The following PGPEP1L variants were observed in gnomAD, a reference collection of about 807,000 sequenced individuals.
The protein encoded by PGPEP1L is pyroglutamyl-peptidase 1-like protein.
PGPEP1L carries 7 observed loss-of-function variants against 6.0 expected under a neutral mutation model. The ratio of observed to expected loss-of-function variants is 1.17; its 90% CI spans 0.66 to 2.19. The LOEUF is 2.19. Ranked by LOEUF, PGPEP1L falls within the 30% of genes most tolerant of loss-of-function variation. The pLI is 0.00. For missense variants in PGPEP1L, 209 were observed against 192.5 expected, an observed-to-expected ratio of 1.09 and a Z score of -0.51; for synonymous variants, 103 against 83.9, an observed-to-expected ratio of 1.23 and a Z score of -1.24.
intron 2 of PGPEP1L, among the ~76,000 whole-genome samples, chr15:98,987,194 A>G (rs990277392): frequency 4.1e-5 from 6 of 146,070 alleles, no homozygotes; most frequent in Non-Finnish European, 7.5e-5. Flanking sequence ...AAAAAAAAAA[A>G]AGAGAGCCAA....
At chr15:98,988,107 A>G (rs1170120647) in intron 2 of PGPEP1L, among the ~76,000 whole-genome samples, 3 of 151,756 alleles carry the variant, frequency 2.0e-5, no homozygotes, top group South Asian at 4.2e-4. Context: ...TTTTTTTCAT[A>G]CCCCAGTGGC....
At chr15:98,995,927 T>C (rs1485246581) in intron 2 of PGPEP1L, among the ~76,000 whole-genome samples, 3 of 152,232 alleles carry the variant, frequency 2.0e-5, no homozygotes, top group Non-Finnish European at 4.4e-5. Context: ...TCTTACCATA[T>C]GTAGTCTTTT....
intron 2 of PGPEP1L, among the ~76,000 whole-genome samples, chr15:98,972,243 C>T (rs2017506961): frequency 6.6e-6 from 1 of 152,148 alleles, no homozygotes; most frequent in Admixed American, 6.5e-5. Flanking sequence ...ATCCCAGCTA[C>T]TTGGGATGCT....
chr15:99,007,016 GAT>G (rs1567247051), intron 1 of PGPEP1L, among the ~76,000 whole-genome samples: 1 of 152,104 alleles, frequency 6.6e-6, no homozygotes, highest in East Asian at 1.9e-4. Flanking sequence ...TTGTCCTCCT[GAT>G]ATAAAGCGCT....
intron 2 of PGPEP1L, among the ~76,000 whole-genome samples, chr15:98,973,749 AAGAT>A (rs1273929005): frequency 6.6e-6 from 1 of 152,222 alleles, no homozygotes; most frequent in Non-Finnish European, 1.5e-5. Flanking sequence ...TTTCATCAAA[AAGAT>A]AGAAAGACTT....
chr15:98,993,082 C>A (rs1555472226), intron 2 of PGPEP1L, among the ~76,000 whole-genome samples: 2 of 152,158 alleles, frequency 1.3e-5, no homozygotes, highest in Non-Finnish European at 2.9e-5. Context: ...AAAGCAATGG[C>A]AACAAAAGCC....
intron 4 of PGPEP1L, among the ~76,000 whole-genome samples, chr15:98,968,981 G>C (rs778878093): frequency 3.9e-5 from 6 of 152,134 alleles, no homozygotes; most frequent in Non-Finnish European, 7.3e-5. Context: ...TCATGTCTTC[G>C]TTGAGTCACT....
intron 2 of PGPEP1L, chr15:99,001,174 C>G: frequency 2.3e-6 from 1 of 444,230 alleles, no homozygotes; most frequent in Non-Finnish European, 4.5e-6. Context: ...CCTTTAAGAA[C>G]TGTAACACTC....
At chr15:98,984,736 G>A (rs915131754) in intron 2 of PGPEP1L, among the ~76,000 whole-genome samples, 1 of 152,184 alleles carries the variant, frequency 6.6e-6, no homozygotes, top group African/African-American at 2.4e-5. Flanking sequence ...AGGACCTGGA[G>A]TGACCCAGGA....
At chr15:98,977,437 T>C (rs1352450331) in intron 2 of PGPEP1L, among the ~76,000 whole-genome samples, 1 of 152,252 alleles carries the variant, frequency 6.6e-6, no homozygotes, top group Non-Finnish European at 1.5e-5. Context: ...TATGTCTCCT[T>C]TCATCTCTGG....
intron 2 of PGPEP1L, among the ~76,000 whole-genome samples, chr15:98,980,517 C>T (rs1391531570): frequency 6.6e-6 from 1 of 152,218 alleles, no homozygotes; most frequent in Non-Finnish European, 1.5e-5. Context: ...CATGCACTTG[C>T]ACTCCCAGTA....
chr15:98,997,212 G>T (rs144797971), intron 2 of PGPEP1L, among the ~76,000 whole-genome samples: 3 of 152,320 alleles, frequency 2.0e-5, no homozygotes, highest in East Asian at 1.9e-4. Context: ...CAGCAGTGAG[G>T]CTTGGCAGTG....
chr15:98,990,060 G>C (rs527683705), intron 2 of PGPEP1L, among the ~76,000 whole-genome samples: 2 of 152,260 alleles, frequency 1.3e-5, no homozygotes, highest in South Asian at 4.1e-4. Context: ...ATGATATGAA[G>C]AAACTGCATC....
At chr15:98,981,972 T>G (rs2017670942) in intron 2 of PGPEP1L, among the ~76,000 whole-genome samples, 1 of 152,028 alleles carries the variant, frequency 6.6e-6, no homozygotes, top group Non-Finnish European at 1.5e-5. Context: ...AATGTGGGGG[T>G]CATTCTGAAA....
At chr15:98,978,806 C>T (rs1229674229) in intron 2 of PGPEP1L, among the ~76,000 whole-genome samples, 6 of 148,240 alleles carry the variant, frequency 4.0e-5, no homozygotes, top group East Asian at 2.0e-4. Context: ...CTCGGCTCAC[C>T]GCAACCTCCG....
intron 2 of PGPEP1L, among the ~76,000 whole-genome samples, chr15:98,973,732 T>C (rs1567234932): frequency 6.6e-6 from 1 of 152,120 alleles, no homozygotes; most frequent in Non-Finnish European, 1.5e-5. Context: ...ATTATAGCAA[T>C]AAATGCTTTC....
intron 2 of PGPEP1L, among the ~76,000 whole-genome samples, chr15:98,993,402 ATC>A (rs1169798728): frequency 3.7e-4 from 56 of 152,344 alleles, no homozygotes; most frequent in African/African-American, 1.2e-3. Flanking sequence ...ATGAGATATC[ATC>A]TCATGCCAGT....
chr15:98,990,822 C>G (rs187093271), intron 2 of PGPEP1L, among the ~76,000 whole-genome samples: 16 of 152,276 alleles, frequency 1.1e-4, no homozygotes, highest in Middle Eastern at 6.8e-3. Context: ...CTCAAAACCG[C>G]ACAACTACAT....
chr15:99,004,499 C>A (rs1441989635), intron 2 of PGPEP1L, among the ~76,000 whole-genome samples: 2 of 152,126 alleles, frequency 1.3e-5, no homozygotes, highest in African/African-American at 4.8e-5. Context: ...GCGGGCAGAT[C>A]ACAAGGTCAA....
Sources: allele counts gnomAD v4.1 joint callset (sites outside exome capture counted in the v4.1 genomes callset), GRCh38; gene constraint gnomAD v4.1.1; transcripts MANE v1.5; gene names NCBI Gene and HGNC (gene_info 2026-07-23, HGNC 2026-07-21).